The following METTL22 variants were observed in gnomAD, a reference collection of about 807,000 sequenced individuals.
The protein encoded by METTL22 is methyltransferase 22, Kin17 lysine, also known as methyltransferase-like protein 22.
In METTL22, 51 loss-of-function variants were observed where a neutral mutation model predicts 48.4. The ratio of observed to expected loss-of-function variants is 1.05; its 90% CI spans 0.84 to 1.33. The LOEUF (loss-of-function observed/expected upper bound fraction) is 1.33. Ranked by LOEUF, METTL22 falls within the 40% of genes most tolerant of loss-of-function variation. METTL22 has a pLI of 0.00. For synonymous variants in METTL22, 255 were observed against 214.1 expected, an observed-to-expected ratio of 1.19 and a Z score of -1.67; for missense variants, 678 against 526.9, an observed-to-expected ratio of 1.29 and a Z score of -2.81.
rs1596345321 is a variant in METTL22 at position 8,633,571 on chromosome 16, A to T, written c.515-1468A>T. 2.0e-5 allele frequency among the ~76,000 whole-genome samples: 3 copies of T among 152,078 alleles called. No homozygotes were observed. The East Asian group carries it at 5.8e-4, about 29-fold the overall frequency. ...CAGTGAGCCTTGGCCGTGCCACCAC[A>T]CTCCAGCGTAGATGACAGAGTGAGA... On this transcript the variant is annotated intron_variant, in intron 3 of 10. Transcript: ENST00000381920.
intron 10 of METTL22, 177 bp downstream of exon 10, chr16:8,644,902 T>C (rs1444876567): frequency 8.3e-6 from 5 of 603,584 alleles, no homozygotes; most frequent in Non-Finnish European, 1.3e-5. Context: ...AGCTACATCC[T>C]GTTCTTAGCA....
In METTL22 at chr16:8,646,974, C is replaced by T. The variant is rs1472546507; in HGVS notation, c.*831C>T. The stretch of plus-strand genomic sequence containing the variant: ...GTCCCACTGTCTCTCTCCTTCTCTC[C>T]AGTTTTGGTCCCATCTTCCTGCTAC... On this transcript the variant is annotated 3_prime_UTR_variant, in exon 11 of 11. Transcript: ENST00000381920. The T allele has an allele frequency of 3.0e-6, 1 of 330,272 alleles. No individual in the cohort carries two copies. Among genetic ancestry groups the T allele is most frequent in the African/African-American group, 2.2e-5 (1 of 46,366 alleles). 20.5% of individuals were successfully genotyped at this position (330,272 alleles called of 1,614,324 possible).
chr16:8,644,635 G>C lies in METTL22; in HGVS notation c.1089G>C (p.Glu363Asp), dbSNP rs201544286. Reference sequence around the variant, plus strand: ...TCCGCTCCTGCCTGCACGCGCTGGAGCAGCTCGCAGATGGCAAGCTGCGCT... The same window carrying C: ...TCCGCTCCTGCCTGCACGCGCTGGACCAGCTCGCAGATGGCAAGCTGCGCT... ...DHFRSCLHALEQLADGKLRFV... is the reference protein window; with the variant it reads ...DHFRSCLHALDQLADGKLRFV... Residue 363 changes from glutamate (E) to aspartate (D), a missense_variant, in exon 10 of 11, where the codon GAG (glutamate) becomes GAC (aspartate). Transcript: ENST00000381920. The C allele has an allele frequency of 5.6e-6, 9 of 1,606,738 alleles. No homozygotes were observed. Among genetic ancestry groups the C allele is most frequent in the Middle Eastern group, 1.6e-4 (1 of 6,078 alleles).
intron 3 of METTL22, 32 bp from the exon 4 acceptor site, chr16:8,635,007 T>C (rs1311786507): frequency 6.2e-7 from 1 of 1,612,734 alleles, no homozygotes; most frequent in Non-Finnish European, 8.5e-7. Context: ...CATTTCACAG[T>C]GGGCATTTCT....
chr16:8,639,173 G>A lies in METTL22; in HGVS notation c.772+11G>A. On this transcript the variant is annotated intron_variant, in intron 6 of 10. Coordinates refer to ENST00000381920, the MANE Select transcript of METTL22 (RefSeq NM_024109.4). ...TGGCTGCCACTGGAGGTGAGGCCCA[G>A]GGGGTCTTCTGCCAGGGAGGGAGGT... 1.2e-6 allele frequency: 2 copies of A among 1,613,772 alleles called. No homozygotes were observed. The highest frequency in any genetic ancestry group is 1.3e-5 in the African/African-American group (1 of 75,040).
At chr16:8,657,462 T>C in the METTL22 span, among the ~76,000 whole-genome samples, 4 of 152,156 alleles carry the variant, frequency 2.6e-5, no homozygotes, top group Non-Finnish European at 5.9e-5. Context: ...AACAATAGCT[T>C]TGCCTGTGGT....
chr16:8,660,744 C>A, the METTL22 span, among the ~76,000 whole-genome samples: 1 of 139,900 alleles, frequency 7.1e-6, no homozygotes, highest in Non-Finnish European at 1.6e-5. Flanking sequence ...GTCGCTGCTT[C>A]AGGTGGGGAG....
At chr16:8,654,493 TTG>T (rs1187107166), downstream of METTL22, among the ~76,000 whole-genome samples, 1 of 152,250 alleles carries the variant, frequency 6.6e-6, no homozygotes, top group Non-Finnish European at 1.5e-5. Flanking sequence ...TGGGTTATTT[TTG>T]TGTCTTTTTT....
chr16:8,646,214 C>T lies in METTL22; in HGVS notation c.*71C>T, dbSNP rs948182515. ...TATTTCTAGTAAAATCAGAAGCTCACCAAAGCAACATGCTTGAGATTTTGT... is the reference window on the plus strand; with the variant it reads ...TATTTCTAGTAAAATCAGAAGCTCATCAAAGCAACATGCTTGAGATTTTGT... On this transcript the variant is annotated 3_prime_UTR_variant, in exon 11 of 11. Coordinates refer to ENST00000381920, the MANE Select transcript of METTL22 (RefSeq NM_024109.4). The T allele has an allele frequency of 6.4e-7, 1 of 1,564,846 alleles. No individual in the cohort carries two copies. Among genetic ancestry groups the T allele is most frequent in the South Asian group, 1.1e-5 (1 of 89,782 alleles).
chr16:8,630,078 C>G (rs112428617), intron 3 of METTL22, among the ~76,000 whole-genome samples: 9 of 152,132 alleles, frequency 5.9e-5, no homozygotes, highest in Admixed American at 5.9e-4. Context: ...TCCAGGGTCC[C>G]CGATGGTGTC....
the METTL22 span, among the ~76,000 whole-genome samples, chr16:8,664,461 AT>A: frequency 1.1e-4 from 16 of 147,550 alleles, no homozygotes; most frequent in South Asian, 8.6e-4. Context: ...TTATTTATGT[AT>A]TTTTTTTTTG....
chr16:8,666,232 A>C, the METTL22 span, among the ~76,000 whole-genome samples: 3 of 151,956 alleles, frequency 2.0e-5, no homozygotes, highest in Non-Finnish European at 4.4e-5. Flanking sequence ...GTGTATAAAT[A>C]CCCCAGCTTC....
Position 8,644,581 on chromosome 16 carries a change from G to T in METTL22, c.1035G>T (p.Leu345Phe). The change falls in exon 10 of 11, where the codon TTG becomes TTT. Residue 345 changes from leucine (L) to phenylalanine (F), a missense_variant. Transcript: ENST00000381920. ...EKRLNFTLRH[L>F]DVTCEAYDHF... ...GGCTCAACTTCACATTGAGACACTT[G>T]GACGTCACATGTGAAGCCTACGATC... The T allele has an allele frequency of 6.3e-7, 1 of 1,576,800 alleles. No individual in the cohort carries two copies. The highest frequency in any genetic ancestry group is 1.4e-5 in the African/African-American group (1 of 73,488).
chr16:8,644,360 T>G (rs2141812646), intron 9 of METTL22, 197 bp from the exon 10 acceptor site: 1 of 533,682 alleles, frequency 1.9e-6, no homozygotes, highest in South Asian at 2.7e-5. Context: ...TAAAGTGCTA[T>G]CCACTTCCAC....
chr16:8,651,344 G>A (rs189840369), downstream of METTL22, among the ~76,000 whole-genome samples: 15 of 114,738 alleles, frequency 1.3e-4, no homozygotes, highest in African/African-American at 4.3e-4. Flanking sequence ...CTGAGATCGA[G>A]CCACTGCACT....
In METTL22 at chr16:8,649,425, C is replaced by T. The variant is rs2056859251; in HGVS notation, c.*3282C>T. 6.6e-6 allele frequency: 1 copy of T among 152,122 alleles called. No homozygotes were observed. Among genetic ancestry groups the T allele is most frequent in the Non-Finnish European group, 1.5e-5 (1 of 68,034 alleles). 9.4% of individuals were successfully genotyped at this position (152,122 alleles called of 1,614,324 possible). ...GCCAGTGGACTCAATTTTTTTATAA[C>T]ATTTTCAGAAAAATATGTGACCCAA... On this transcript the variant is annotated 3_prime_UTR_variant, in exon 11 of 11. Transcript: ENST00000381920.
intron 3 of METTL22, among the ~76,000 whole-genome samples, chr16:8,629,985 A>T (rs942328791): frequency 6.6e-6 from 1 of 151,042 alleles, no homozygotes; most frequent in South Asian, 2.1e-4. Context: ...TCGAATCCAC[A>T]CAGTGTCCAC....
At chr16:8,640,942 ATGGG>A (rs1224804893) in intron 6 of METTL22, among the ~76,000 whole-genome samples, 185 bp from the exon 7 acceptor site, 1 of 43,678 alleles carries the variant, frequency 2.3e-5, no homozygotes, top group African/African-American at 1.0e-4. Flanking sequence ...GGATGGATGG[ATGGG>A]TGGGTGGATG....
chr16:8,623,748 T>G (rs1038238112), intron 1 of METTL22: 1 of 152,228 alleles, frequency 6.6e-6, no homozygotes, highest in African/African-American at 2.4e-5. Flanking sequence ...AATTTTTTTG[T>G]TGGGACAGCT....
Sources: allele counts gnomAD v4.1 joint callset (sites outside exome capture counted in the v4.1 genomes callset), GRCh38; gene constraint gnomAD v4.1.1; transcripts MANE v1.5; gene names NCBI Gene and HGNC (gene_info 2026-07-23, HGNC 2026-07-21).